CHSY3: variants seen among roughly 807,000 people sequenced by gnomAD.
CHSY3 encodes N-acetylgalactosaminyl-proteoglycan 3-beta-glucuronosyltransferase 3.
CHSY3 carries 35 observed loss-of-function variants against 67.2 expected under a neutral mutation model. That is an observed-to-expected ratio of 0.52 (90% CI 0.40 to 0.69). The LOEUF is 0.69. Among genes scored for constraint, CHSY3 ranks in the 30% least tolerant of loss-of-function variants. CHSY3 has a pLI of 0.00. For missense variants in CHSY3, 1,069 were observed against 1,138.5 expected (o/e 0.94, Z 0.88); for synonymous variants, 474 against 434.7 (o/e 1.09, Z -1.12).
intron 2 of CHSY3, among the ~76,000 whole-genome samples, chr5:130,019,803 G>A (rs1439192230): frequency 4.6e-5 from 7 of 152,156 alleles, no homozygotes; most frequent in Non-Finnish European, 8.8e-5. Flanking sequence ...TGTCACTAAC[G>A]CTATGAGAGG....
At chr5:130,171,805 CCTT>C (rs151208941) in intron 2 of CHSY3, among the ~76,000 whole-genome samples, 6,057 of 152,204 alleles carry the variant, frequency 0.04, 336 homozygotes, top group East Asian at 0.25. Context: ...AGAAGGAAAA[CCTT>C]CTTCAAAATC....
At chr5:130,002,894 A>G (rs114141185) in intron 2 of CHSY3, among the ~76,000 whole-genome samples, 2,160 of 152,272 alleles carry the variant, frequency 0.014, 51 homozygotes, top group African/African-American at 0.049. Context: ...TTCTAACCCA[A>G]CTGTAATTCC....
chr5:129,994,592 G>A (rs1029769108), intron 2 of CHSY3, among the ~76,000 whole-genome samples: 3 of 151,998 alleles, frequency 2.0e-5, no homozygotes, highest in Admixed American at 2.0e-4. Flanking sequence ...AAAGACACAT[G>A]CACACGTGTG....
In CHSY3 at chr5:130,184,827, A is replaced by G. The variant is rs1367110328; in HGVS notation, c.1685A>G (p.Tyr562Cys). The G allele has an allele frequency of 1.2e-5, 19 of 1,611,254 alleles. No homozygotes were observed. Among genetic ancestry groups the G allele is most frequent in the Non-Finnish European group, 1.6e-5 (19 of 1,177,500 alleles). Residue 562 changes from tyrosine to cysteine, a missense_variant, in exon 3 of 3, where the codon TAT becomes TGT. Tyr to Cys is a radical substitution (Grantham distance 194). Transcript: ENST00000305031. Reference sequence around the variant, plus strand: ...ACTGTGCCAGTGAGACGTCATGCCTATCTTCAGCAGTTGTTCAGCAAGCCT... The same window carrying G: ...ACTGTGCCAGTGAGACGTCATGCCTGTCTTCAGCAGTTGTTCAGCAAGCCT... The part of the protein sequence containing the change: ...KLTVPVRRHA[Y>C]LQQLFSKPFF...
At chr5:130,128,253 T>TGCGCGTGC (rs1554084711) in intron 2 of CHSY3, among the ~76,000 whole-genome samples, 2 of 150,910 alleles carry the variant, frequency 1.3e-5, no homozygotes, top group African/African-American at 4.9e-5. Flanking sequence ...TGTGTGTGTG[T>TGCGCGTGC]GCGCTCACAT....
intron 2 of CHSY3, among the ~76,000 whole-genome samples, chr5:130,053,396 A>T (rs889480113): frequency 6.6e-6 from 1 of 152,132 alleles, no homozygotes; most frequent in Admixed American, 6.6e-5. Context: ...GAATTAGTGA[A>T]TTGGAGGTGG....
intron 2 of CHSY3, among the ~76,000 whole-genome samples, chr5:130,033,574 A>G (rs989424604): frequency 7.2e-5 from 11 of 152,200 alleles, no homozygotes; most frequent in African/African-American, 2.4e-4. Context: ...GATTTGGAAG[A>G]CACTCCCAGG....
At chr5:129,913,409 T>C (rs1461585217) in intron 2 of CHSY3, among the ~76,000 whole-genome samples, 1 of 152,232 alleles carries the variant, frequency 6.6e-6, no homozygotes, top group African/African-American at 2.4e-5. Context: ...AGTTAATATG[T>C]TACAAATTTG....
chr5:130,003,902 A>G (rs1763803203), intron 2 of CHSY3, among the ~76,000 whole-genome samples: 2 of 152,226 alleles, frequency 1.3e-5, no homozygotes, highest in African/African-American at 2.4e-5. Context: ...GTCATGAATC[A>G]GCGTTTATCA....
At chr5:130,109,705 G>A (rs1767530554) in intron 2 of CHSY3, among the ~76,000 whole-genome samples, 1 of 151,306 alleles carries the variant, frequency 6.6e-6, no homozygotes, top group East Asian at 1.9e-4. Flanking sequence ...TTTTTTTTAA[G>A]TGCATATTTA....
intron 2 of CHSY3, among the ~76,000 whole-genome samples, chr5:130,118,489 A>ATG (rs530955039): frequency 4.7e-4 from 70 of 148,852 alleles, no homozygotes; most frequent in East Asian, 3.9e-3. Flanking sequence ...TAATGTATAT[A>ATG]TGTGTGTGTG....
chr5:130,101,424 T>C (rs1767240331), intron 2 of CHSY3, among the ~76,000 whole-genome samples: 1 of 152,168 alleles, frequency 6.6e-6, no homozygotes, highest in South Asian at 2.1e-4. Flanking sequence ...GATATGATTA[T>C]GTCAGTTAAG....
intron 2 of CHSY3, among the ~76,000 whole-genome samples, chr5:130,180,646 A>T (rs1770216739): frequency 6.6e-6 from 1 of 152,126 alleles, no homozygotes; most frequent in African/African-American, 2.4e-5. Context: ...TGAGCCAAAG[A>T]GTCCAAGACC....
intron 2 of CHSY3, among the ~76,000 whole-genome samples, chr5:130,053,917 G>A (rs1030286689): frequency 2.0e-5 from 3 of 152,120 alleles, no homozygotes; most frequent in Non-Finnish European, 2.9e-5. Context: ...GAGATATCAA[G>A]ATATGTTTAT....
chr5:129,947,086 G>A (rs962978733), intron 2 of CHSY3, among the ~76,000 whole-genome samples: 16 of 152,246 alleles, frequency 1.1e-4, no homozygotes, highest in African/African-American at 3.6e-4. Flanking sequence ...TCACATTTCA[G>A]CATGGCTGGG....
At chr5:130,112,655 C>T (rs570473553) in intron 2 of CHSY3, among the ~76,000 whole-genome samples, 1 of 152,178 alleles carries the variant, frequency 6.6e-6, no homozygotes, top group South Asian at 2.1e-4. Flanking sequence ...GTTTCTATTA[C>T]TCAGAGTCAC....
chr5:129,918,889 T>C (rs1049776334), intron 2 of CHSY3, among the ~76,000 whole-genome samples: 1 of 147,584 alleles, frequency 6.8e-6, no homozygotes, highest in South Asian at 2.2e-4. Flanking sequence ...GGGTGGATCA[T>C]GAGGTCAGGA....
chr5:129,921,248 T>A (rs1050806704), intron 2 of CHSY3, among the ~76,000 whole-genome samples: 1 of 152,208 alleles, frequency 6.6e-6, no homozygotes, highest in Non-Finnish European at 1.5e-5. Context: ...AAGTAAAACA[T>A]GTACTATGCA....
intron 2 of CHSY3, among the ~76,000 whole-genome samples, chr5:129,942,294 TAAC>T (rs1761723448): frequency 1.3e-5 from 2 of 152,182 alleles, no homozygotes; most frequent in African/African-American, 4.8e-5. Flanking sequence ...AGTACCACAG[TAAC>T]ACTTGTCAAC....
Sources: allele counts gnomAD v4.1 joint callset (sites outside exome capture counted in the v4.1 genomes callset), GRCh38; gene constraint gnomAD v4.1.1; transcripts MANE v1.5; gene names NCBI Gene and HGNC (gene_info 2026-07-23, HGNC 2026-07-21).